SLC26A6: variants seen among roughly 807,000 people sequenced by gnomAD.
SLC26A6 encodes the protein solute carrier family 26 member 6, also known as anion exchange transporter.
In SLC26A6, 67 loss-of-function variants were observed where a neutral mutation model predicts 87.1. The observed-to-expected ratio is 0.77, with a 90% CI of 0.63 to 0.94. The LOEUF (loss-of-function observed/expected upper bound fraction) is 0.94. Ranked by LOEUF, SLC26A6 falls within the 40% of genes least tolerant of loss-of-function variation. The pLI is 0.00. For synonymous variants in SLC26A6, 414 were observed against 405.9 expected, an observed-to-expected ratio of 1.02 and a Z score of -0.24; for missense variants, 902 against 973.0, an observed-to-expected ratio of 0.93 and a Z score of 0.97.
intron 1 of SLC26A6, among the ~76,000 whole-genome samples, chr3:48,635,034 T>A (rs2106682293): frequency 6.6e-6 from 1 of 152,306 alleles, no homozygotes; most frequent in East Asian, 1.9e-4. Context: ...TGAAAGCAGC[T>A]AGTCCACGGG....
Position 48,628,147 on chromosome 3 carries a change from G to T in SLC26A6, c.1801-109C>A. ...GGTGCTGGGCAGGTGGGTGGGCCAGGACCAGAAGCTGTGGGACCTGCAGCA... is the reference window on the plus strand; with the variant it reads ...GGTGCTGGGCAGGTGGGTGGGCCAGTACCAGAAGCTGTGGGACCTGCAGCA... On this transcript the variant is annotated intron_variant, in intron 16 of 20. Transcript: ENST00000395550. This position sits in a 1 kb window ranked among gnomAD's most constrained non-coding sequence, Gnocchi z 4.4. 9.3e-7 allele frequency: 1 copy of T among 1,077,854 alleles called. No individual in the cohort carries two copies. Among genetic ancestry groups the T allele is most frequent in the Non-Finnish European group, 1.3e-6 (1 of 748,358 alleles). The allele number at this position is 1,077,854 out of a possible 1,614,324, so 66.8% of individuals were successfully genotyped here.
Position 48,630,104 on chromosome 3 carries a change from G to A in SLC26A6, c.1380C>T (p.Leu460=), listed in dbSNP as rs368136849. 3 of 1,611,670 alleles carry A rather than the reference G, an allele frequency of 1.9e-6. No homozygotes were observed. In the African/African-American group the frequency reaches 4.0e-5, roughly 22 times the overall value. Residue 460 remains leucine (L), a synonymous_variant, in exon 12 of 21, where the codon CTC becomes CTT. Transcript: ENST00000395550. ...IVNLKGMLRQ[L]SDMRSLWKAN... ...CCTTCCAGAGGGAGCGCATGTCGCT[G>A]AGCTGCCTCAGCATGCCCTTCAGGT...
In SLC26A6 at chr3:48,635,444, C is replaced by G; in HGVS notation, c.-51G>C. 6.4e-7 allele frequency: 1 copy of G among 1,552,642 alleles called. No homozygotes were observed. On this transcript the variant is annotated 5_prime_UTR_variant, in exon 1 of 21. Coordinates refer to ENST00000395550, the MANE Select transcript of SLC26A6 (RefSeq NM_022911.3). ...TGCTCCTGCTGCTCGAGCTAGAGGC[C>G]GCTACGCTCCGGAAGGCGGCGCCGG...
Position 48,628,594 on chromosome 3 carries a change from G to A in SLC26A6, c.1692+28C>T. The A allele has an allele frequency of 6.2e-7, 1 of 1,613,980 alleles. No homozygotes were observed. Among genetic ancestry groups the A allele is most frequent in the Non-Finnish European group, 8.5e-7 (1 of 1,179,984 alleles). On this transcript the variant is annotated intron_variant, in intron 15 of 20. Transcript: ENST00000395550. This position sits in a 1 kb window ranked among gnomAD's most constrained non-coding sequence, Gnocchi z 4.4. ...GTGAGCTCTCTGGGAGCTGGGGCCT[G>A]ACACCCATCCTGGGGACTCCGTCTC...
Position 48,629,885 on chromosome 3 carries a change from C to A in SLC26A6, c.1516G>T (p.Val506Phe), listed in dbSNP as rs1158105746. The A allele has an allele frequency of 1.2e-6, 2 of 1,614,148 alleles. No individual in the cohort carries two copies. Among genetic ancestry groups the A allele is most frequent in the Middle Eastern group, 1.6e-4 (1 of 6,062 alleles). ...AVIFSLLLVV[V>F]RTQMPHYSVL... ...TGGCGGACTCACATCTGTGTCCGGA[C>A]CACCACGAGCAGCAGGGAGAAGATG... Residue 506 changes from valine to phenylalanine, a missense_variant, in exon 13 of 21, where the codon GTC becomes TTC. Val to Phe is a conservative substitution (Grantham distance 50, BLOSUM62 -1). Transcript: ENST00000395550.
chr3:48,627,187 G>A, intron 17 of SLC26A6, 132 bp from the exon 18 acceptor site: 2 of 1,087,140 alleles, frequency 1.8e-6, no homozygotes, highest in Admixed American at 4.7e-5. Context: ...CAAACATGCG[G>A]GAGTCACATA....
chr3:48,632,569 A>T, intron 4 of SLC26A6, 173 bp from the exon 5 acceptor site: 1 of 869,408 alleles, frequency 1.2e-6, no homozygotes, highest in Non-Finnish European at 1.9e-6. Context: ...CCAGGAGTAA[A>T]CCCTGAGCTC....
intron 1 of SLC26A6, chr3:48,633,887 C>G (rs915517997): frequency 7.2e-7 from 1 of 1,383,872 alleles, no homozygotes; most frequent in African/African-American, 1.5e-5. Flanking sequence ...AGGATGAGCA[C>G]TAGCTATACC....
chr3:48,630,803 C>T, intron 9 of SLC26A6, 83 bp from the exon 10 acceptor site: 2 of 1,503,122 alleles, frequency 1.3e-6, no homozygotes, highest in Non-Finnish European at 1.8e-6. Context: ...TGTGCATCCC[C>T]AATCTCCATC....
Position 48,625,886 on chromosome 3 carries a change from G to A in SLC26A6, c.*100C>T, listed in dbSNP as rs768229513. 1.0e-4 allele frequency: 154 copies of A among 1,473,324 alleles called. No homozygotes were observed. Among genetic ancestry groups the A allele is most frequent in the Admixed American group, 5.3e-4 (29 of 54,476 alleles). The allele number at this position is 1,473,324 out of a possible 1,614,324, so 91.3% of individuals were successfully genotyped here. ...CTGAGTTGTGTGTGTGTACATGGAG[G>A]GGACTCCTGGGTAGCACCTGGAGGC... On this transcript the variant is annotated 3_prime_UTR_variant, in exon 21 of 21. Transcript: ENST00000395550. This position sits in a 1 kb window ranked among gnomAD's most constrained non-coding sequence, Gnocchi z 4.7.
chr3:48,632,776 C>T (rs1028957970), intron 4 of SLC26A6, 198 bp downstream of exon 4: 1 of 683,818 alleles, frequency 1.5e-6, no homozygotes, highest in Admixed American at 2.2e-5. Context: ...GGAGCCAGGG[C>T]TTTGAGGTCA....
rs375762449 is a variant in SLC26A6 at position 48,626,867 on chromosome 3, C to T, written c.2073+9G>A. The T allele has an allele frequency of 3.2e-5, 51 of 1,611,484 alleles. No homozygotes were observed. In the African/African-American group the frequency reaches 5.7e-4, roughly 18 times the overall value. ...AGCTCGAGGGGCCTTGGCCTGCCCC[C>T]GTCCTTACATTCTTCAGGCTCTTGA... On this transcript the variant is annotated intron_variant, in intron 18 of 20. Coordinates refer to ENST00000395550, the MANE Select transcript of SLC26A6 (RefSeq NM_022911.3).
intron 1 of SLC26A6, chr3:48,633,992 T>C (rs2046885317): frequency 1.7e-6 from 1 of 574,228 alleles, no homozygotes; most frequent in South Asian, 4.1e-5. Context: ...AGTCCCCAGG[T>C]CCTCCTCCAG....
At position 48,628,566 on chromosome 3, in the gene SLC26A6, T is replaced by G; in HGVS notation, c.1693-25A>C. The G allele has an allele frequency of 1.9e-6, 3 of 1,613,914 alleles. No homozygotes were observed. Among genetic ancestry groups the G allele is most frequent in the Non-Finnish European group, 2.5e-6 (3 of 1,179,948 alleles). On this transcript the variant is annotated intron_variant, in intron 15 of 20. Transcript: ENST00000395550. This position sits in a 1 kb window ranked among gnomAD's most constrained non-coding sequence, Gnocchi z 4.4. ...ACTGGAGGCAAACATCAGAGAAGGG[T>G]TGGTGAGCTCTCTGGGAGCTGGGGC...
Position 48,632,043 on chromosome 3 carries a change from A to G in SLC26A6, c.587T>C (p.Val196Ala). The change falls in exon 6 of 21, where the codon GTG becomes GCG. Residue 196 changes from valine to alanine, a missense_variant and splice_region_variant. Val to Ala is a moderately conservative substitution (Grantham distance 64). Transcript: ENST00000395550. ...GCCGAAGTGGATCAGGCCCAGCCCCACCTGTGGGGCGGCCAGGGGCAGTCA... is the reference window on the plus strand; with the variant it reads ...GCCGAAGTGGATCAGGCCCAGCCCCGCCTGTGGGGCGGCCAGGGGCAGTCA... ...TLSVLVGLFQ[V>A]GLGLIHFGFV... The G allele has an allele frequency of 1.2e-6, 2 of 1,612,844 alleles. No individual in the cohort carries two copies. Among genetic ancestry groups the G allele is most frequent in the Non-Finnish European group, 1.7e-6 (2 of 1,179,766 alleles).
At chr3:48,633,189 G>GC in intron 3 of SLC26A6, 62 bp downstream of exon 3, 1 of 1,592,888 alleles carries the variant, frequency 6.3e-7, no homozygotes, top group Non-Finnish European at 8.5e-7. Flanking sequence ...AGAGGTCATG[G>GC]CCCCAGTTTT....
rs368173599 is a variant in SLC26A6 at position 48,631,670 on chromosome 3, C to T, written c.882G>A (p.Pro294=). The T allele has an allele frequency of 5.3e-5, 85 of 1,613,232 alleles. No individual in the cohort carries two copies. Among genetic ancestry groups the T allele is most frequent in the African/African-American group, 2.4e-4 (18 of 74,914 alleles). The change falls in exon 7 of 21, where the codon CCG becomes CCA. Residue 294 remains proline (P), a synonymous_variant. Transcript: ENST00000395550. Reference sequence around the variant, plus strand: ...GAACCGTGAGCAGCTCCCCGGGTATCGGCATGGGCAGCTGCTGCTGCAGCT... The same window carrying T: ...GAACCGTGAGCAGCTCCCCGGGTATTGGCATGGGCAGCTGCTGCTGCAGCT... The part of the protein sequence containing the change: ...NDKLQQQLPM[P]IPGELLTLIG...
chr3:48,627,119 C>A (rs765312372), intron 17 of SLC26A6, 64 bp from the exon 18 acceptor site: 1 of 1,560,928 alleles, frequency 6.4e-7, no homozygotes, highest in Non-Finnish European at 8.7e-7. Flanking sequence ...TGGCCGCACA[C>A]AGACACGCGA....
At position 48,631,134 on chromosome 3, in the gene SLC26A6, C is replaced by A. The variant is rs1488580981; in HGVS notation, c.993G>T (p.Val331=). The change falls in exon 9 of 21, where the codon GTG becomes GTT. Residue 331 remains valine, a synonymous_variant. Transcript: ENST00000395550. ...GCTGGGTGTTGGGGGCCACTGGGGG[C>A]ACCAGCCTGTGAGAGGTATCTGTGA... is the stretch of plus-strand genomic sequence containing the variant. ...DVVGNIPAGL[V]PPVAPNTQLF... is the part of the protein sequence containing the mutation. 6.2e-7 allele frequency: 1 copy of A among 1,613,672 alleles called. No individual in the cohort carries two copies. Among genetic ancestry groups the A allele is most frequent in the Admixed American group, 1.7e-5 (1 of 60,018 alleles).
Sources: allele counts gnomAD v4.1 joint callset (sites outside exome capture counted in the v4.1 genomes callset), GRCh38; gene constraint gnomAD v4.1.1; non-coding constraint Gnocchi (gnomAD v3.1); transcripts MANE v1.5; gene names NCBI Gene and HGNC (gene_info 2026-07-23, HGNC 2026-07-21).